Variants in LRRC18 observed in about 807,000 individuals in gnomAD.
The protein encoded by LRRC18 is leucine rich repeat containing 18.
A neutral mutation model predicts 11.2 loss-of-function variants in LRRC18; 12 were observed. The ratio of observed to expected loss-of-function variants is 1.07; its 90% CI spans 0.69 to 1.74. The LOEUF is 1.74. Among genes scored for constraint, LRRC18 ranks in the 40% most tolerant of loss-of-function variants. LRRC18 has a pLI of 0.00. For missense variants in LRRC18, 374 were observed against 330.5 expected (o/e 1.13, Z -1.02); for synonymous variants, 155 against 130.6 (o/e 1.19, Z -1.27).
intron 1 of LRRC18, among the ~76,000 whole-genome samples, chr10:48,911,328 G>A (rs1459355297): frequency 6.6e-6 from 1 of 152,182 alleles, no homozygotes; most frequent in African/African-American, 2.4e-5. Flanking sequence ...GTTACTGGTA[G>A]GCGTATGTGT....
Position 48,911,873 on chromosome 10 carries a change from G to C in LRRC18, c.764+1519C>G, listed in dbSNP as rs190313969. 1.1e-4 allele frequency among the ~76,000 whole-genome samples: 17 copies of C among 152,322 alleles called. 1 individual carries two copies. The East Asian group carries it at 2.7e-3, about 24-fold the overall frequency. ...CCCAAGGTTTTAGAAATATGATAGG[G>C]TTGTCATAGCTAAGCATTACAAGAG... On this transcript the variant is annotated intron_variant, in intron 1 of 1. Transcript: ENST00000374160.
chr10:48,915,984 A>C (rs1028437247), upstream of LRRC18, among the ~76,000 whole-genome samples: 8 of 152,242 alleles, frequency 5.3e-5, no homozygotes, highest in African/African-American at 1.9e-4. Flanking sequence ...AAACAGCTTA[A>C]AAAACAAAGT....
chr10:48,926,932 T>G, the LRRC18 span, among the ~76,000 whole-genome samples: 8 of 152,204 alleles, frequency 5.3e-5, no homozygotes, highest in Admixed American at 2.6e-4. Flanking sequence ...GTGAACGCCT[T>G]GCCACATGGA....
chr10:48,918,346 T>C (rs189234528), upstream of LRRC18, among the ~76,000 whole-genome samples: 222 of 152,300 alleles, frequency 1.5e-3, 1 homozygote, highest in Non-Finnish European at 2.5e-3. Flanking sequence ...GAAAGTATAC[T>C]TTAAATAAGC....
the LRRC18 span, among the ~76,000 whole-genome samples, chr10:48,924,686 CT>C: frequency 2.0e-5 from 3 of 152,094 alleles, no homozygotes; most frequent in Non-Finnish European, 2.9e-5. Flanking sequence ...TTAATTTTTT[CT>C]CTTTAGTCAT....
chr10:48,914,715 T>A (rs1007216873), upstream of LRRC18, among the ~76,000 whole-genome samples: 14 of 152,116 alleles, frequency 9.2e-5, no homozygotes, highest in Admixed American at 2.0e-4. Flanking sequence ...ACTTCTCACA[T>A]CCCTCTTCCC....
upstream of LRRC18, among the ~76,000 whole-genome samples, chr10:48,918,895 A>T (rs1838792685): frequency 6.6e-6 from 1 of 152,228 alleles, no homozygotes; most frequent in African/African-American, 2.4e-5. Context: ...TGACATTGCC[A>T]AATGTCCACT....
At chr10:48,912,019 C>T (rs1370540217) in intron 1 of LRRC18, among the ~76,000 whole-genome samples, 1 of 152,210 alleles carries the variant, frequency 6.6e-6, no homozygotes. Context: ...TCATCATCCA[C>T]TCAGCAAACT....
chr10:48,915,519 G>A (rs141290254), upstream of LRRC18, among the ~76,000 whole-genome samples: 1 of 152,084 alleles, frequency 6.6e-6, no homozygotes, highest in Non-Finnish European at 1.5e-5. Flanking sequence ...GCAGGGAGAG[G>A]TGCTCTACAG....
exon 1 of LRRC18, chr10:48,914,209 A>G: frequency 6.5e-7 from 1 of 1,541,240 alleles, no homozygotes; most frequent in South Asian, 1.2e-5. Flanking sequence ...GATAGTGATC[A>G]GTGTGAGGAA....
upstream of LRRC18, among the ~76,000 whole-genome samples, chr10:48,915,908 G>A (rs779637757): frequency 6.6e-6 from 1 of 152,190 alleles, no homozygotes; most frequent in South Asian, 2.1e-4. Flanking sequence ...GGTTTCCAGA[G>A]CCAGCACCAT....
intron 1 of LRRC18, among the ~76,000 whole-genome samples, chr10:48,912,709 AAC>A (rs1301600148): frequency 2.6e-5 from 4 of 152,238 alleles, no homozygotes; most frequent in Admixed American, 2.6e-4. Context: ...GATCTGGAAA[AAC>A]ACTGAATGTA....
the LRRC18 span, among the ~76,000 whole-genome samples, chr10:48,931,073 ACATG>A: frequency 7.5e-6 from 1 of 134,152 alleles, no homozygotes; most frequent in Non-Finnish European, 1.6e-5. Flanking sequence ...GTACAAACAC[ACATG>A]CATGCACACT....
chr10:48,921,508 A>G, the LRRC18 span, among the ~76,000 whole-genome samples: 3 of 152,248 alleles, frequency 2.0e-5, no homozygotes, highest in Non-Finnish European at 4.4e-5. Context: ...AACTTTGAAA[A>G]GAAAATGAAG....
chr10:48,923,344 T>A, the LRRC18 span, among the ~76,000 whole-genome samples: 1 of 151,872 alleles, frequency 6.6e-6, no homozygotes, highest in Non-Finnish European at 1.5e-5. Flanking sequence ...AAATCTTCAT[T>A]AAAAAGAGAT....
At chr10:48,927,902 A>G in the LRRC18 span, among the ~76,000 whole-genome samples, 5 of 152,166 alleles carry the variant, frequency 3.3e-5, no homozygotes, top group Non-Finnish European at 7.3e-5. Context: ...AAAATAAAAT[A>G]TTAAGATGAT....
upstream of LRRC18, among the ~76,000 whole-genome samples, chr10:48,917,985 G>A (rs180800335): frequency 6.6e-6 from 1 of 152,238 alleles, no homozygotes; most frequent in Admixed American, 6.5e-5. Context: ...TGGTGGTAAG[G>A]GTTTTACACT....
the LRRC18 span, among the ~76,000 whole-genome samples, chr10:48,927,091 C>A: frequency 7.2e-5 from 11 of 152,146 alleles, no homozygotes; most frequent in African/African-American, 2.7e-4. Flanking sequence ...GTATCAGGGG[C>A]GGCTGTATGC....
exon 1 of LRRC18, chr10:48,913,709 T>C (rs759510127): frequency 6.2e-7 from 1 of 1,612,658 alleles, no homozygotes; most frequent in African/African-American, 1.3e-5. Flanking sequence ...CATGGAGCCC[T>C]ACCTCGTGGA....
Sources: allele counts gnomAD v4.1 joint callset (sites outside exome capture counted in the v4.1 genomes callset), GRCh38; gene constraint gnomAD v4.1.1; transcripts MANE v1.5; gene names NCBI Gene and HGNC (gene_info 2026-07-23, HGNC 2026-07-21).